Variants in SGCD observed in about 807,000 individuals in gnomAD.
SGCD encodes delta-sarcoglycan.
SGCD carries 18 observed loss-of-function variants against 36.6 expected under a neutral mutation model. The observed-to-expected ratio is 0.49, with a 90% confidence interval of 0.34 to 0.73. The LOEUF (loss-of-function observed/expected upper bound fraction) is 0.73, where lower values mean the gene tolerates loss of function less well. Among genes scored for constraint, SGCD ranks in the 30% least tolerant of loss-of-function variants. The pLI, the probability that SGCD is intolerant of heterozygous loss-of-function variation, is 0.01. For synonymous variants in SGCD, 133 were observed against 130.6 expected, an observed-to-expected ratio of 1.02 and a Z score of -0.12; for missense variants, 387 against 346.7, an observed-to-expected ratio of 1.12 and a Z score of -0.92.
chr5:156,021,371 T>C (rs1273579635), intron 1 of SGCD, among the ~76,000 whole-genome samples: 1 of 152,172 alleles, frequency 6.6e-6, no homozygotes, highest in East Asian at 1.9e-4. Flanking sequence ...ATGGTGACTA[T>C]TAGCCAAGCA....
intron 1 of SGCD, among the ~76,000 whole-genome samples, chr5:155,943,676 A>C (rs1013025492): frequency 6.6e-6 from 1 of 152,186 alleles, no homozygotes; most frequent in South Asian, 2.1e-4. Flanking sequence ...GTCAGTAACA[A>C]ATAGTCATCC....
intron 3 of SGCD, among the ~76,000 whole-genome samples, chr5:156,170,691 T>A (rs1311234650): frequency 6.6e-6 from 1 of 152,162 alleles, no homozygotes. Context: ...TAAAACAAAT[T>A]AGTAGGACAG....
intron 3 of SGCD, among the ~76,000 whole-genome samples, chr5:156,302,239 A>G (rs1767072467): frequency 6.6e-6 from 1 of 151,930 alleles, no homozygotes; most frequent in Non-Finnish European, 1.5e-5. Flanking sequence ...TACATTTTCA[A>G]GTAGCCTGTC....
At chr5:156,689,721 G>C (rs1200240360) in intron 7 of SGCD, among the ~76,000 whole-genome samples, 1 of 152,128 alleles carries the variant, frequency 6.6e-6, no homozygotes, top group South Asian at 2.1e-4. Context: ...GACTTGACAG[G>C]TAGGAGGCTC....
intron 3 of SGCD, among the ~76,000 whole-genome samples, chr5:156,237,311 G>C (rs1301950265): frequency 6.6e-6 from 1 of 151,994 alleles, no homozygotes; most frequent in Admixed American, 6.6e-5. Flanking sequence ...AAACTAAAGT[G>C]GCCATAAATT....
intron 3 of SGCD, among the ~76,000 whole-genome samples, chr5:156,141,455 G>A (rs1037738265): frequency 3.9e-5 from 6 of 152,214 alleles, no homozygotes; most frequent in African/African-American, 1.4e-4. Context: ...AGCAAAGCCT[G>A]GGCTCAGGGC....
intron 2 of SGCD, 122 bp from the exon 3 acceptor site, chr5:156,344,367 G>C (rs1321460342): frequency 3.1e-6 from 2 of 637,612 alleles, no homozygotes; most frequent in Non-Finnish European, 5.2e-6. Flanking sequence ...GTTGTCAGAG[G>C]GTATAAAAGT....
upstream of SGCD, chr5:156,327,093 T>C (rs945573621): frequency 6.6e-6 from 1 of 152,426 alleles, no homozygotes; most frequent in Non-Finnish European, 1.5e-5. Flanking sequence ...AGTTGGAAAA[T>C]CTGACTGGGG....
chr5:156,551,082 G>A (rs994237060), intron 4 of SGCD, among the ~76,000 whole-genome samples: 10 of 151,860 alleles, frequency 6.6e-5, no homozygotes, highest in African/African-American at 2.4e-4. Flanking sequence ...TGCCACACTC[G>A]CCCTGTCAGC....
intron 3 of SGCD, among the ~76,000 whole-genome samples, chr5:156,195,259 A>T (rs1763994656): frequency 6.6e-6 from 1 of 152,212 alleles, no homozygotes. Flanking sequence ...TTAGTCTTAC[A>T]GTGTGCTTCC....
intron 3 of SGCD, among the ~76,000 whole-genome samples, chr5:156,152,577 T>C (rs1300492207): frequency 6.6e-6 from 1 of 151,696 alleles, no homozygotes; most frequent in African/African-American, 2.4e-5. Context: ...ACAACTTTAT[T>C]GAGATATAAA....
At chr5:156,592,173 T>C (rs542331435) in intron 5 of SGCD, among the ~76,000 whole-genome samples, 2 of 140,600 alleles carry the variant, frequency 1.4e-5, no homozygotes, top group South Asian at 4.5e-4. Context: ...GATGATGATA[T>C]TGCCCAGGTC....
chr5:156,451,123 T>C (rs1174850680), intron 3 of SGCD, among the ~76,000 whole-genome samples: 1 of 151,530 alleles, frequency 6.6e-6, no homozygotes, highest in African/African-American at 2.4e-5. Context: ...CATACTATTT[T>C]CCAGCAGCCT....
intron 7 of SGCD, among the ~76,000 whole-genome samples, chr5:156,672,023 C>T (rs1338962956): frequency 6.6e-6 from 1 of 152,156 alleles, no homozygotes; most frequent in African/African-American, 2.4e-5. Flanking sequence ...ATGACCCAAA[C>T]ACCTCCTCTA....
chr5:156,435,730 CTG>C (rs1262767967), intron 3 of SGCD, among the ~76,000 whole-genome samples: 1 of 152,090 alleles, frequency 6.6e-6, no homozygotes, highest in African/African-American at 2.4e-5. Flanking sequence ...GGGCTACTAA[CTG>C]TTTAAAAAAT....
Position 156,588,210 on chromosome 5 carries a change from C to A in SGCD, c.295-1021C>A, listed in dbSNP as rs12110167. Among the ~76,000 whole-genome samples, 389 of 152,090 alleles carry A rather than the reference C, an allele frequency of 2.6e-3. 2 individuals carry two copies. Among genetic ancestry groups the A allele is most frequent in the African/African-American group, 8.8e-3 (366 of 41,496 alleles). The stretch of plus-strand genomic sequence containing the variant: ...TGGCCTTTGAGCTACATTCAACCCT[C>A]TGCCTCTTCTTGTATCACCAGTGAT... On this transcript the variant is annotated intron_variant, in intron 4 of 8. Coordinates refer to ENST00000337851, the MANE Select transcript of SGCD (RefSeq NM_000337.6).
chr5:156,452,138 G>T (rs1176778929), intron 3 of SGCD, among the ~76,000 whole-genome samples: 2 of 152,032 alleles, frequency 1.3e-5, no homozygotes, highest in Non-Finnish European at 2.9e-5. Flanking sequence ...TTGACCTCCT[G>T]AGTCAACCAT....
intron 1 of SGCD, among the ~76,000 whole-genome samples, chr5:155,987,087 T>C (rs1172879589): frequency 1.3e-5 from 2 of 152,184 alleles, no homozygotes; most frequent in African/African-American, 4.8e-5. Context: ...TAGGAGAAAG[T>C]GGACTTGAAT....
At chr5:155,779,436 CA>C in the SGCD span, among the ~76,000 whole-genome samples, 2,560 of 150,092 alleles carry the variant, frequency 0.017, 75 homozygotes, top group African/African-American at 0.058. Flanking sequence ...ATACGCTGTC[CA>C]AAAAAAACAA....
Sources: allele counts gnomAD v4.1 joint callset (sites outside exome capture counted in the v4.1 genomes callset), GRCh38; gene constraint gnomAD v4.1.1; transcripts MANE v1.5; gene names NCBI Gene and HGNC (gene_info 2026-07-23, HGNC 2026-07-21).